GRAMD1B: variants seen among roughly 807,000 people sequenced by gnomAD.
GRAMD1B encodes GRAM domain containing 1B.
GRAMD1B carries 37 observed loss-of-function variants against 99.7 expected under a neutral mutation model. The observed-to-expected ratio is 0.37, with a 90% CI of 0.29 to 0.49. The LOEUF (loss-of-function observed/expected upper bound fraction) is 0.49. Among genes scored for constraint, GRAMD1B ranks in the 20% least tolerant of loss-of-function variants. The pLI, the probability that GRAMD1B is intolerant of heterozygous loss-of-function variation, is 0.98. For synonymous variants in GRAMD1B, 427 were observed against 387.6 expected (o/e 1.10, Z -1.19); for missense variants, 888 against 1,009.2 (o/e 0.88, Z 1.63).
chr11:123,435,937 C>CTTTTTTT (rs10647186), intron 1 of GRAMD1B, among the ~76,000 whole-genome samples: 27 of 95,696 alleles, frequency 2.8e-4, no homozygotes, highest in East Asian at 6.5e-4. Context: ...GAAACTCATA[C>CTTTTTTT]TTTTTTTTTT....
intron 1 of GRAMD1B, among the ~76,000 whole-genome samples, chr11:123,414,257 C>T (rs541133621): frequency 6.6e-6 from 1 of 152,274 alleles, no homozygotes; most frequent in African/African-American, 2.4e-5. Context: ...GTTAGCCAGG[C>T]TGGTGTTGAA....
In GRAMD1B at chr11:123,594,801, T is replaced by A. The variant is rs1443514559; in HGVS notation, c.836T>A (p.Ile279Asn). 1 of 1,606,632 alleles carries A rather than the reference T, an allele frequency of 6.2e-7. No homozygotes were observed. The stretch of plus-strand genomic sequence containing the variant: ...CGACTCTACCTCTCTGAAAATTGGA[T>A]CTGCTTCTACAGCAACATCTTCCGC... ...QGRLYLSENWICFYSNIFRWE... is the reference protein window; with the variant it reads ...QGRLYLSENWNCFYSNIFRWE... Residue 279 changes from isoleucine to asparagine, a missense_variant, in exon 6 of 20, where the codon ATC becomes AAC. Ile to Asn is a moderately radical substitution (Grantham distance 149). Coordinates refer to ENST00000635736, the MANE Select transcript of GRAMD1B (RefSeq NM_001387025.1).
At chr11:123,367,785 G>T (rs1946370615) in intron 1 of GRAMD1B, among the ~76,000 whole-genome samples, 1 of 151,948 alleles carries the variant, frequency 6.6e-6, no homozygotes, top group Admixed American at 6.6e-5. Context: ...ACAGAAACAA[G>T]GACAGTCCAA....
intron 1 of GRAMD1B, among the ~76,000 whole-genome samples, chr11:123,473,170 T>G (rs1951098187): frequency 6.6e-6 from 1 of 152,122 alleles, no homozygotes; most frequent in Non-Finnish European, 1.5e-5. Context: ...TTCAAACAAT[T>G]CTCCTGCCTC....
rs370699590 is a variant in GRAMD1B, at chr11:123,414,293, C to T, written c.-176+55494C>T. Among the ~76,000 whole-genome samples, 19 of 152,310 alleles carry T rather than the reference C, an allele frequency of 1.2e-4. No individual in the cohort carries two copies. The East Asian group carries it at 2.7e-3, about 22-fold the overall frequency. On this transcript the variant is annotated intron_variant, in intron 1 of 20. Transcript: ENST00000638157. ...CTCCTGACCTCAGGTGATCCACCCG[C>T]TTTGGCCTCCCAAAGTGTTGGGATT...
chr11:123,476,619 AT>A (rs111457498), intron 1 of GRAMD1B, among the ~76,000 whole-genome samples: 33 of 152,146 alleles, frequency 2.2e-4, no homozygotes, highest in African/African-American at 7.7e-4. Context: ...CACCTTGTTC[AT>A]TTTTCTGCTG....
At chr11:123,529,394 A>T (rs1025834846) in intron 2 of GRAMD1B, among the ~76,000 whole-genome samples, 1 of 152,210 alleles carries the variant, frequency 6.6e-6, no homozygotes, top group Non-Finnish European at 1.5e-5. Flanking sequence ...ATGCTTTTGG[A>T]TGAAGATGAC....
Position 123,434,230 on chromosome 11 carries a change from CAAA to C in GRAMD1B, c.374+3086_374+3088del, listed in dbSNP as rs33942028. Among the ~76,000 whole-genome samples, 96 of 73,016 alleles carry C rather than the reference CAAA, an allele frequency of 1.3e-3. No individual in the cohort carries two copies. In the East Asian group the frequency reaches 0.013, roughly 10 times the overall value. The allele number at this position is 73,016 out of a possible 152,430, so 47.9% of individuals were successfully genotyped here. A position where few individuals can be genotyped will look rare whatever the true frequency, so the allele number is the denominator to read the frequency against. ...GGGCAACAGAGTGAGACTCCGTTTC[CAAA>C]AAAAAAAAAAAAAAAAAAAAACCAC... On this transcript the variant is annotated intron_variant, in intron 1 of 19. Transcript: ENST00000635736.
intron 2 of GRAMD1B, among the ~76,000 whole-genome samples, chr11:123,557,860 C>T (rs1946314536): frequency 6.6e-6 from 1 of 151,646 alleles, no homozygotes; most frequent in Admixed American, 6.6e-5. Flanking sequence ...AAAATTAGCA[C>T]AACTTGTTCA....
intron 2 of GRAMD1B, among the ~76,000 whole-genome samples, chr11:123,565,630 C>T (rs897213046): frequency 2.6e-5 from 4 of 152,214 alleles, no homozygotes; most frequent in African/African-American, 7.2e-5. Flanking sequence ...AACATGTAAG[C>T]AGCTGGCCAG....
chr11:123,468,951 C>T (rs1331766276), intron 1 of GRAMD1B, among the ~76,000 whole-genome samples: 2 of 151,888 alleles, frequency 1.3e-5, no homozygotes, highest in Admixed American at 1.3e-4. Flanking sequence ...TTATTTAATT[C>T]TCCCAAAACC....
At position 123,609,830 on chromosome 11, in the gene GRAMD1B, G is replaced by T; in HGVS notation, c.1693G>T (p.Gly565Ter). The change falls in exon 13 of 20, where the codon GGA (glycine) becomes TGA (stop). Residue 565 changes from glycine to a stop codon, truncating the protein, a stop_gained. Coordinates refer to ENST00000635736, the MANE Select transcript of GRAMD1B (RefSeq NM_001387025.1). LOFTEE classifies it high-confidence loss of function. ...CCATCCATGGAAAAAGGAGGAGAAT[G>T]GAAACCAGAGCCGAGTGATTCTTTA... ...IFHPWKKEEN[G>*]NQSRVILYTI... The T allele has an allele frequency of 6.2e-7, 1 of 1,603,288 alleles. No homozygotes were observed. The highest frequency in any genetic ancestry group is 8.5e-7 in the Non-Finnish European group (1 of 1,174,278).
At chr11:123,367,876 T>C (rs535908279) in intron 1 of GRAMD1B, among the ~76,000 whole-genome samples, 1 of 151,888 alleles carries the variant, frequency 6.6e-6, no homozygotes, top group East Asian at 1.9e-4. Flanking sequence ...GCAAGAAAGA[T>C]TGTAAAGTAT....
In GRAMD1B at chr11:123,591,271, GA is replaced by G. The variant is rs1408970787; in HGVS notation, c.685-2808del. 2 of 396,986 alleles carry G rather than the reference GA, an allele frequency of 5.0e-6. No homozygotes were observed. Among genetic ancestry groups the G allele is most frequent in the East Asian group, 7.1e-5 (2 of 28,032 alleles). The allele number at this position is 396,986 out of a possible 1,614,324, so 24.6% of individuals were successfully genotyped here. On this transcript the variant is annotated intron_variant, in intron 4 of 19. Coordinates refer to ENST00000635736, the MANE Select transcript of GRAMD1B (RefSeq NM_001387025.1). The surrounding 1 kb of genome is among the most constrained non-coding windows in gnomAD (Gnocchi z 4.7). ...CAGAGTCACACAGGCCCTCTGCTGAGAAACCAGAGGCCACCCATCCACAGTC... is the reference window on the plus strand; with the variant it reads ...CAGAGTCACACAGGCCCTCTGCTGAGAACCAGAGGCCACCCATCCACAGTC...
intron 2 of GRAMD1B, among the ~76,000 whole-genome samples, chr11:123,526,863 C>T (rs981566717): frequency 2.0e-5 from 3 of 152,210 alleles, no homozygotes; most frequent in Non-Finnish European, 4.4e-5. Flanking sequence ...TTTTACCTTC[C>T]ATTTAAAAAA....
At chr11:123,391,496 A>G (rs1565468506) in intron 1 of GRAMD1B, among the ~76,000 whole-genome samples, 1 of 152,102 alleles carries the variant, frequency 6.6e-6, no homozygotes, top group Non-Finnish European at 1.5e-5. Context: ...TCGTTCTGTC[A>G]CCCAGGCTGG....
chr11:123,559,765 A>G, intron 2 of GRAMD1B: 1 of 829,832 alleles, frequency 1.2e-6, no homozygotes, highest in African/African-American at 1.8e-5. Context: ...GCATCCTGGA[A>G]GTCTGGGAGC....
At position 123,591,431 on chromosome 11, in the gene GRAMD1B, C is replaced by T. The variant is rs1381738796; in HGVS notation, c.685-2651C>T. On this transcript the variant is annotated intron_variant, in intron 4 of 19. Coordinates refer to ENST00000635736, the MANE Select transcript of GRAMD1B (RefSeq NM_001387025.1). The surrounding 1 kb of genome is among the most constrained non-coding windows in gnomAD (Gnocchi z 4.7). Reference sequence around the variant, plus strand: ...GACGGAGTCGGGGGTCCTCTGGAGCCTTCTGCTGGAGCAGGAGAGCCAGCT... The same window carrying T: ...GACGGAGTCGGGGGTCCTCTGGAGCTTTCTGCTGGAGCAGGAGAGCCAGCT... 2 of 398,986 alleles carry T rather than the reference C, an allele frequency of 5.0e-6. No homozygotes were observed. Among genetic ancestry groups the T allele is most frequent in the Non-Finnish European group, 8.8e-6 (2 of 226,130 alleles). The allele number at this position is 398,986 out of a possible 1,614,324, so 24.7% of individuals were successfully genotyped here. A position where few individuals can be genotyped will look rare whatever the true frequency, so the allele number is the denominator to read the frequency against.
chr11:123,367,509 G>A (rs1946358659), intron 1 of GRAMD1B, among the ~76,000 whole-genome samples: 1 of 152,096 alleles, frequency 6.6e-6, no homozygotes, highest in African/African-American at 2.4e-5. Context: ...TGTATTTCAG[G>A]CAGATGGGAT....
Sources: allele counts gnomAD v4.1 joint callset (sites outside exome capture counted in the v4.1 genomes callset), GRCh38; gene constraint gnomAD v4.1.1; non-coding constraint Gnocchi (gnomAD v3.1); transcripts MANE v1.5; gene names NCBI Gene and HGNC (gene_info 2026-07-23, HGNC 2026-07-21).